The following MYO18B variants were observed in gnomAD, a reference collection of about 807,000 sequenced individuals.
MYO18B encodes unconventional myosin-XVIIIb.
Under a neutral mutation model 273.0 loss-of-function variants are expected in MYO18B, and 204 were observed. The ratio of observed to expected loss-of-function variants is 0.75; its 90% CI spans 0.67 to 0.84. The LOEUF is 0.84. MYO18B is among the 40% of genes least tolerant of loss of function. The pLI is 0.00. For synonymous variants in MYO18B, 1,330 were observed against 1,305.7 expected (o/e 1.02, Z -0.40); for missense variants, 3,212 against 3,287.6 (o/e 0.98, Z 0.56).
At chr22:25,994,993 G>T (rs745546386) in intron 40 of MYO18B, among the ~76,000 whole-genome samples, 2 of 152,190 alleles carry the variant, frequency 1.3e-5, no homozygotes, top group African/African-American at 2.4e-5. Context: ...ATGCTTGAAG[G>T]GTGGGTGACA....
At chr22:26,039,384 A>G in the MYO18B span, among the ~76,000 whole-genome samples, 1 of 151,918 alleles carries the variant, frequency 6.6e-6, no homozygotes, top group African/African-American at 2.4e-5. Flanking sequence ...CACCTGGAAC[A>G]CTCATTTATT....
intron 40 of MYO18B, among the ~76,000 whole-genome samples, chr22:26,000,198 A>G (rs1459733119): frequency 1.3e-5 from 2 of 152,198 alleles, no homozygotes; most frequent in Non-Finnish European, 2.9e-5. Context: ...GCCCAGAGAC[A>G]CTTTCTTCAC....
At position 25,895,104 on chromosome 22, in the gene MYO18B, G is replaced by C. The variant is rs981258958; in HGVS notation, c.4544-52G>C. ...GTGGAGGAGAGCCACTCACACTCTTGCCTTACACTCATTTGGCCTCTTATC... is the reference window on the plus strand; with the variant it reads ...GTGGAGGAGAGCCACTCACACTCTTCCCTTACACTCATTTGGCCTCTTATC... On this transcript the variant is annotated intron_variant, in intron 27 of 43. Transcript: ENST00000335473. 4 of 1,591,408 alleles carry C rather than the reference G, an allele frequency of 2.5e-6. No individual in the cohort carries two copies. The African/African-American group carries it at 5.4e-5, about 21-fold the overall frequency.
intron 9 of MYO18B, among the ~76,000 whole-genome samples, 190 bp from the exon 10 acceptor site, chr22:25,781,544 A>C (rs954008843): frequency 2.0e-5 from 3 of 147,300 alleles, no homozygotes; most frequent in Non-Finnish European, 4.4e-5. Flanking sequence ...TGGGAGGCGG[A>C]GCTTGCAGTG....
intron 21 of MYO18B, among the ~76,000 whole-genome samples, chr22:25,852,453 G>A (rs2090453411): frequency 6.6e-6 from 1 of 152,160 alleles, no homozygotes; most frequent in African/African-American, 2.4e-5. Flanking sequence ...TGTTGTCCCT[G>A]TGTGTCTTCT....
chr22:25,872,822 T>C (rs2091084336), intron 22 of MYO18B, among the ~76,000 whole-genome samples: 1 of 152,192 alleles, frequency 6.6e-6, no homozygotes, highest in African/African-American at 2.4e-5. Flanking sequence ...TATCCATTAA[T>C]TGATAATGTC....
chr22:25,814,864 C>T (rs2088932162), intron 12 of MYO18B, among the ~76,000 whole-genome samples: 1 of 152,076 alleles, frequency 6.6e-6, no homozygotes, highest in African/African-American at 2.4e-5. Flanking sequence ...TAGATTATAC[C>T]CATTTTATGG....
chr22:25,875,754 T>C (rs139631216), intron 23 of MYO18B, among the ~76,000 whole-genome samples: 1 of 152,306 alleles, frequency 6.6e-6, no homozygotes, highest in East Asian at 1.9e-4. Flanking sequence ...GTGAAAATGA[T>C]CTCCCTTCAA....
At chr22:25,930,528 T>A (rs756389605) in intron 34 of MYO18B, among the ~76,000 whole-genome samples, 1 of 151,740 alleles carries the variant, frequency 6.6e-6, no homozygotes, top group Non-Finnish European at 1.5e-5. Context: ...TTTTTTATTT[T>A]GAGGCAAGGT....
At chr22:25,758,108 G>A (rs1360663204) in intron 1 of MYO18B, among the ~76,000 whole-genome samples, 1 of 152,128 alleles carries the variant, frequency 6.6e-6, no homozygotes, top group African/African-American at 2.4e-5. Flanking sequence ...CCGCCTCCCG[G>A]ATTCAAGCAA....
chr22:25,947,924 C>G (rs1234167816), intron 36 of MYO18B, 96 bp downstream of exon 36: 3 of 857,418 alleles, frequency 3.5e-6, no homozygotes, highest in Admixed American at 4.1e-5. Context: ...ACTCCCTGGT[C>G]TTAACATCTT....
At chr22:26,045,696 C>T in the MYO18B span, among the ~76,000 whole-genome samples, 1 of 152,218 alleles carries the variant, frequency 6.6e-6, no homozygotes, top group African/African-American at 2.4e-5. Flanking sequence ...TTGAAGCTGT[C>T]AAGTAACTGC....
intron 11 of MYO18B, among the ~76,000 whole-genome samples, chr22:25,787,665 G>T (rs1327314674): frequency 6.6e-6 from 1 of 152,146 alleles, no homozygotes; most frequent in Non-Finnish European, 1.5e-5. Flanking sequence ...CAAAACTCAT[G>T]CATGAAACAA....
chr22:25,960,654 G>A (rs955937658), intron 39 of MYO18B, among the ~76,000 whole-genome samples: 1 of 152,108 alleles, frequency 6.6e-6, no homozygotes, highest in Non-Finnish European at 1.5e-5. Context: ...CAGACCCGCT[G>A]ATTTTACCCT....
At chr22:25,762,645 G>A (rs2086363632) in intron 2 of MYO18B, among the ~76,000 whole-genome samples, 1 of 152,262 alleles carries the variant, frequency 6.6e-6, no homozygotes, top group African/African-American at 2.4e-5. Flanking sequence ...GGCTGACCAA[G>A]TCCTGGTTTA....
Position 25,838,905 on chromosome 22 carries a change from G to T in MYO18B, c.3208+3462G>T, listed in dbSNP as rs191560703. On this transcript the variant is annotated intron_variant, in intron 17 of 43. Transcript: ENST00000335473. ...TATATATATATCTGTGTCTATATGTGTATGTGTATATCTGTGTGTGCCTGT... is the reference window on the plus strand; with the variant it reads ...TATATATATATCTGTGTCTATATGTTTATGTGTATATCTGTGTGTGCCTGT... 2.4e-4 allele frequency among the ~76,000 whole-genome samples: 37 copies of T among 152,026 alleles called. No homozygotes were observed. The East Asian group carries it at 7.2e-3, about 29-fold the overall frequency.
At position 26,025,582 on chromosome 22, in the gene MYO18B, G is replaced by A. The variant is rs1601862300; in HGVS notation, c.6471-863G>A. On this transcript the variant is annotated intron_variant, in intron 42 of 43. Coordinates refer to ENST00000335473, the MANE Select transcript of MYO18B (RefSeq NM_032608.7). The stretch of plus-strand genomic sequence containing the variant: ...TGCAGTGCCAACACTCTGACATTTG[G>A]CAACTTTTTTACTTTTTTAAAAAAT... Among the ~76,000 whole-genome samples the A allele has an allele frequency of 2.0e-5, 3 of 152,186 alleles. No homozygotes were observed. In the South Asian group the frequency reaches 6.3e-4, roughly 32 times the overall value.
intron 25 of MYO18B, among the ~76,000 whole-genome samples, chr22:25,879,046 C>T (rs527886814): frequency 1.3e-5 from 2 of 152,320 alleles, no homozygotes; most frequent in South Asian, 4.1e-4. Context: ...AAACGAGCTC[C>T]CAAGAGTGAA....
intron 39 of MYO18B, among the ~76,000 whole-genome samples, chr22:25,965,959 C>T (rs2092973323): frequency 6.6e-6 from 1 of 152,214 alleles, no homozygotes; most frequent in Non-Finnish European, 1.5e-5. Context: ...AATCAAGTCT[C>T]ATCGCTCACT....
Sources: gnomAD v4.1 joint callset for allele counts (sites outside exome capture counted in the v4.1 genomes callset) on GRCh38, gnomAD v4.1.1 for gene constraint, MANE v1.5 for transcripts, NCBI Gene and HGNC (gene_info 2026-07-23, HGNC 2026-07-21) for gene names.